The following SBF1 variants were observed in gnomAD, a reference collection of about 807,000 sequenced individuals.
SBF1 encodes myotubularin-related protein 5.
SBF1 carries 65 observed loss-of-function variants against 215.8 expected under a neutral mutation model. The observed-to-expected ratio is 0.30, with a 90% CI of 0.25 to 0.37. The LOEUF (loss-of-function observed/expected upper bound fraction) is 0.37, where lower values mean the gene tolerates loss of function less well. Among genes scored for constraint, SBF1 ranks in the 10% least tolerant of loss-of-function variants. The pLI is 1.00. For synonymous variants in SBF1, 1,410 were observed against 1,122.8 expected, an observed-to-expected ratio of 1.26 and a Z score of -5.11; for missense variants, 2,634 against 2,667.8, an observed-to-expected ratio of 0.99 and a Z score of 0.28.
intron 1 of SBF1, among the ~76,000 whole-genome samples, chr22:50,473,024 C>A (rs1483587018): frequency 6.6e-6 from 1 of 152,208 alleles, no homozygotes; most frequent in Non-Finnish European, 1.5e-5. Flanking sequence ...GCAAAGGACA[C>A]ACACAAACAG....
chr22:50,473,327 A>T (rs1449166154), intron 1 of SBF1, among the ~76,000 whole-genome samples: 1 of 151,914 alleles, frequency 6.6e-6, no homozygotes, highest in Non-Finnish European at 1.5e-5. Flanking sequence ...ATCCTCAGGC[A>T]CCCTCTGCCC....
chr22:50,462,762 G>C (rs1367639092), intron 17 of SBF1, 45 bp from the exon 18 acceptor site: 1 of 1,609,306 alleles, frequency 6.2e-7, no homozygotes, highest in East Asian at 2.2e-5. Context: ...AGCCAGGAAG[G>C]GCGGCTGGGA....
At position 50,460,300 on chromosome 22, in the gene SBF1, G is replaced by C. The variant is rs1460856875; in HGVS notation, c.3255C>G (p.Pro1085=). ...PPSWEHRGQP[P]PEDQEDEISV... is the part of the protein sequence containing the mutation. The stretch of plus-strand genomic sequence containing the variant: ...AGATCTCGTCCTCCTGGTCCTCAGG[G>C]GGCGGCTGGCCCCGGTGCTCCCAGC... Residue 1085 remains proline (P), a synonymous_variant, in exon 25 of 41, where the codon CCC becomes CCG. Transcript: ENST00000380817. The C allele has an allele frequency of 1.2e-6, 2 of 1,610,486 alleles. No individual in the cohort carries two copies. The highest frequency in any genetic ancestry group is 3.3e-5 in the Admixed American group (2 of 59,824).
rs763010534 is a variant in SBF1, at chr22:50,462,020, G to A, written c.2496C>T (p.Arg832=). The change falls in exon 20 of 41, where the codon CGC becomes CGT. Residue 832 remains arginine (R), a synonymous_variant. Transcript: ENST00000380817. ...TCTCCGTGCAGACCTTGTCCACAAA[G>A]CGGTTGATGAAGCGGACCACAGCCC... ...VAGAVVRFIN[R]FVDKVCTESG... 1 of 1,614,226 alleles carries A rather than the reference G, an allele frequency of 6.2e-7. No homozygotes were observed. Among genetic ancestry groups the A allele is most frequent in the Admixed American group, 1.7e-5 (1 of 60,026 alleles).
Position 50,474,853 on chromosome 22 carries a change from GGGGCGGCCCGAGGGGCGC to G in SBF1, c.-31_-14del. On this transcript the variant is annotated 5_prime_UTR_variant, in exon 1 of 41. Transcript: ENST00000380817. ...CGAGCCGCGCCATGGCGAGGGACGCGGGGCGGCCCGAGGGGCGCGGGCGGGCTCCGCGGCTCGGGGACT... is the reference window on the plus strand; with the variant it reads ...CGAGCCGCGCCATGGCGAGGGACGCGGGGCGGGCTCCGCGGCTCGGGGACT... 1 of 1,402,304 alleles carries G rather than the reference GGGGCGGCCCGAGGGGCGC, an allele frequency of 7.1e-7. No individual in the cohort carries two copies. The highest frequency in any genetic ancestry group is 3.0e-5 in the Admixed American group (1 of 32,792). 86.9% of individuals were successfully genotyped at this position (1,402,304 alleles called of 1,614,324 possible).
intron 1 of SBF1, among the ~76,000 whole-genome samples, chr22:50,469,716 T>C (rs2067927739): frequency 6.6e-6 from 1 of 152,066 alleles, no homozygotes; most frequent in African/African-American, 2.4e-5. Context: ...GCGGGGGTCA[T>C]GCTCAACACA....
chr22:50,463,847 G>C (rs1033488623), intron 15 of SBF1, among the ~76,000 whole-genome samples: 47 of 152,346 alleles, frequency 3.1e-4, no homozygotes, highest in African/African-American at 1.0e-3. Context: ...ACACCATACA[G>C]CCAATGAAAA....
Position 50,457,104 on chromosome 22 carries a change from G to A in SBF1, c.3834C>T (p.Ser1278=). The change falls in exon 29 of 41, where the codon AGC becomes AGT. Residue 1278 remains serine (S), a synonymous_variant. Transcript: ENST00000380817. ...ACAGCGTGGTGACCCTGGCTCTGGG[G>A]CTGGGAACTGAGGGCACAGCAGAGA... ...SSAHMGSHVP[S]PRARVTTLSN... is the part of the protein sequence containing the mutation. The A allele has an allele frequency of 7.4e-6, 11 of 1,487,132 alleles. No individual in the cohort carries two copies. The highest frequency in any genetic ancestry group is 9.8e-6 in the Non-Finnish European group (11 of 1,127,678). The allele number at this position is 1,487,132 out of a possible 1,614,324, so 92.1% of individuals were successfully genotyped here.
In SBF1 at chr22:50,448,515, G is replaced by A. The variant is rs74598385; in HGVS notation, c.5151+28C>T. 0.075 allele frequency: 121,222 copies of A among 1,609,274 alleles called. 7,904 individuals are homozygous for A. The highest frequency in any genetic ancestry group is 0.36 in the East Asian group (16,009 of 44,782). ...ACTTTCTCCCAGCAACACGCCCACC[G>A]TGGACGCTCACACTGGCCCTCACTC... On this transcript the variant is annotated intron_variant, in intron 37 of 40. Coordinates refer to ENST00000380817, the MANE Select transcript of SBF1 (RefSeq NM_002972.4).
In SBF1 at chr22:50,468,403, G is replaced by A. The variant is rs575948628; in HGVS notation, c.114C>T (p.Asp38=). 1.3e-5 allele frequency: 21 copies of A among 1,612,954 alleles called. No homozygotes were observed. In the East Asian group the frequency reaches 4.5e-4, roughly 34 times the overall value. Residue 38 remains aspartate (D), a synonymous_variant, in exon 2 of 41, where the codon GAC becomes GAT. Transcript: ENST00000380817. The part of the protein sequence containing the change: ...LQRFPEKDWE[D]NPFPQGIELF... ...GCTCGATGCCCTGGGGGAATGGGTT[G>A]TCCTCCCAGTCCTTCTCTGGGAAGC...
At position 50,461,590 on chromosome 22, in the gene SBF1, T is replaced by C. The variant is rs764612289; in HGVS notation, c.2772A>G (p.Pro924=). The change falls in exon 22 of 41, where the codon CCA becomes CCG. Residue 924 remains proline, a synonymous_variant. Coordinates refer to ENST00000380817, the MANE Select transcript of SBF1 (RefSeq NM_002972.4). ...GGSAGGPALL[P]AEGAVFLTTY... ...TGGTGAGGAAGACGGCGCCCTCAGC[T>C]GGGAGCAATGCTGGTCCCCCAGCAC... 1 of 1,612,196 alleles carries C rather than the reference T, an allele frequency of 6.2e-7. No homozygotes were observed. Among genetic ancestry groups the C allele is most frequent in the South Asian group, 1.1e-5 (1 of 91,058 alleles).
intron 36 of SBF1, among the ~76,000 whole-genome samples, chr22:50,450,404 C>A (rs979082265): frequency 1.3e-5 from 2 of 151,968 alleles, no homozygotes; most frequent in African/African-American, 4.8e-5. Flanking sequence ...ACCTGTAATC[C>A]CAGCTACTCG....
At chr22:50,464,301 G>A in intron 15 of SBF1, 28 bp downstream of exon 15, 1 of 1,576,212 alleles carries the variant, frequency 6.3e-7, no homozygotes, top group Non-Finnish European at 8.7e-7. Context: ...CGCTGCCCTG[G>A]CCCGGCTGGA....
chr22:50,463,756 G>T (rs1053518676), intron 15 of SBF1, among the ~76,000 whole-genome samples: 7 of 152,242 alleles, frequency 4.6e-5, no homozygotes, highest in African/African-American at 7.2e-5. Context: ...GACTCGCCTG[G>T]CACAGGCCCG....
intron 10 of SBF1, 130 bp from the exon 11 acceptor site, chr22:50,465,458 C>T (rs2067709029): frequency 1.3e-6 from 1 of 798,934 alleles, no homozygotes; most frequent in African/African-American, 1.7e-5. Flanking sequence ...TCCCACCATT[C>T]TGCACTCAGG....
chr22:50,453,705 T>C lies in SBF1; in HGVS notation c.5043+807A>G, dbSNP rs556873965. Among the ~76,000 whole-genome samples the C allele has an allele frequency of 8.2e-3, 1,248 of 152,092 alleles. 13 individuals are homozygous for C. Among genetic ancestry groups the C allele is most frequent in the Non-Finnish European group, 0.013 (872 of 67,986 alleles). The stretch of plus-strand genomic sequence containing the variant: ...GAGAGGCTGAGGCAGGAGAATGGTG[T>C]GAACCCGGGAGACGGAGCTTGCAGT... On this transcript the variant is annotated intron_variant, in intron 36 of 40. Coordinates refer to ENST00000380817, the MANE Select transcript of SBF1 (RefSeq NM_002972.4).
chr22:50,458,074 C>G (rs555670864), intron 28 of SBF1, among the ~76,000 whole-genome samples: 7 of 152,200 alleles, frequency 4.6e-5, no homozygotes, highest in African/African-American at 1.7e-4. Context: ...CCGAGGCGGG[C>G]GGATCACCAG....
chr22:50,470,136 C>T (rs1193737254), intron 1 of SBF1, among the ~76,000 whole-genome samples: 8 of 151,940 alleles, frequency 5.3e-5, no homozygotes, highest in African/African-American at 1.7e-4. Flanking sequence ...TCCCCCACCC[C>T]GCCCACTCCC....
intron 20 of SBF1, 35 bp downstream of exon 20, chr22:50,461,912 A>T: frequency 6.2e-7 from 1 of 1,613,878 alleles, no homozygotes; most frequent in Non-Finnish European, 8.5e-7. Flanking sequence ...AGCCCCACCC[A>T]TCCAAGGGGG....
Sources: allele counts gnomAD v4.1 joint callset (sites outside exome capture counted in the v4.1 genomes callset), GRCh38; gene constraint gnomAD v4.1.1; transcripts MANE v1.5; gene names NCBI Gene and HGNC (gene_info 2026-07-23, HGNC 2026-07-21).